Variants in DNM2 observed in about 807,000 individuals in gnomAD.
DNM2 encodes the protein dynamin 2.
A neutral mutation model predicts 99.0 loss-of-function variants in DNM2; 15 were observed. The ratio of observed to expected loss-of-function variants is 0.15; its 90% CI spans 0.10 to 0.23. The LOEUF (loss-of-function observed/expected upper bound fraction) is 0.23. DNM2 is among the 10% of genes least tolerant of loss of function. The pLI, the probability that DNM2 is intolerant of heterozygous loss-of-function variation, is 1.00. For synonymous variants in DNM2, 525 were observed against 481.2 expected, an observed-to-expected ratio of 1.09 and a Z score of -1.19; for missense variants, 742 against 1,189.4, an observed-to-expected ratio of 0.62 and a Z score of 5.53.
chr19:10,760,810 A>G (rs2070597890), intron 2 of DNM2, among the ~76,000 whole-genome samples: 1 of 74,450 alleles, frequency 1.3e-5, no homozygotes, highest in South Asian at 4.4e-4. Flanking sequence ...AGGTGCACAC[A>G]CCACCACACC....
intron 19 of DNM2, among the ~76,000 whole-genome samples, chr19:10,829,470 G>A (rs2073257761): frequency 6.6e-6 from 1 of 152,134 alleles, no homozygotes; most frequent in Admixed American, 6.5e-5. Flanking sequence ...ACAGCTCTAG[G>A]GCAGGACCCT....
At chr19:10,809,775 C>T (rs1268859410) in intron 14 of DNM2, 1 of 152,388 alleles carries the variant, frequency 6.6e-6, no homozygotes, top group African/African-American at 2.4e-5. Context: ...TCTGGCGGGG[C>T]TCTTCTGGCA....
chr19:10,736,356 C>T (rs1051391367), intron 1 of DNM2, among the ~76,000 whole-genome samples: 3 of 152,172 alleles, frequency 2.0e-5, no homozygotes, highest in African/African-American at 7.2e-5. Context: ...TGGTGATGCT[C>T]CTGCCTCAGC....
At chr19:10,744,614 G>A (rs112765170) in intron 1 of DNM2, among the ~76,000 whole-genome samples, 51 of 152,270 alleles carry the variant, frequency 3.3e-4, no homozygotes, top group African/African-American at 1.2e-3. Context: ...GGCCCTCAGG[G>A]TGGTACAGAG....
At chr19:10,804,624 G>A (rs919424437) in intron 12 of DNM2, among the ~76,000 whole-genome samples, 3 of 152,120 alleles carry the variant, frequency 2.0e-5, no homozygotes, top group Admixed American at 2.0e-4. Context: ...GGAAGTCAAG[G>A]CTGTGCTGAG....
Position 10,830,240 on chromosome 19 carries a change from C to T in DNM2, c.2405C>T (p.Ala802Val). The stretch of plus-strand genomic sequence containing the variant: ...ATTCCTGTTCCCGTGGGGGCAGCAG[C>T]CTCCTTCTCGGCGCCCCCAATCCCA... The part of the protein sequence containing the change: ...PLIPVPVGAA[A>V]SFSAPPIPSR... The change falls in exon 20 of 21, where the codon GCC (alanine) becomes GTC (valine). Residue 802 changes from alanine to valine, a missense_variant. Ala to Val is a moderately conservative substitution (Grantham distance 64). Transcript: ENST00000389253. The surrounding 1 kb of genome is among the most constrained non-coding windows in gnomAD (Gnocchi z 4.8). 1 of 1,614,002 alleles carries T rather than the reference C, an allele frequency of 6.2e-7. No individual in the cohort carries two copies. The highest frequency in any genetic ancestry group is 8.5e-7 in the Non-Finnish European group (1 of 1,179,930).
intron 1 of DNM2, among the ~76,000 whole-genome samples, chr19:10,758,649 C>A (rs937965665): frequency 4.0e-5 from 6 of 150,086 alleles, no homozygotes; most frequent in African/African-American, 1.5e-4. Context: ...TGGGTTCAAG[C>A]GATTCTCCTG....
At chr19:10,734,143 C>A (rs2069436942) in intron 1 of DNM2, among the ~76,000 whole-genome samples, 1 of 150,524 alleles carries the variant, frequency 6.6e-6, no homozygotes, top group South Asian at 2.1e-4. Context: ...TCACTTGAGG[C>A]CAGGAGTTTG....
At chr19:10,760,826 G>GGTTTTTTTTTTTTTTTT (rs1568284526) in intron 2 of DNM2, among the ~76,000 whole-genome samples, 1 of 4,958 alleles carries the variant, frequency 2.0e-4, no homozygotes, top group Non-Finnish European at 7.9e-4. Flanking sequence ...ACACCCAGCT[G>GGTTTTTTTTTTTTTTTT]ATTTTTTTTT....
At chr19:10,740,431 A>G (rs1471211087) in intron 1 of DNM2, among the ~76,000 whole-genome samples, 2 of 150,972 alleles carry the variant, frequency 1.3e-5, no homozygotes, top group Non-Finnish European at 2.9e-5. Flanking sequence ...GCTGGAGTGC[A>G]GTGGCACGAT....
intron 5 of DNM2, among the ~76,000 whole-genome samples, chr19:10,782,381 CAG>C (rs2071409362): frequency 7.3e-5 from 1 of 13,756 alleles, no homozygotes; most frequent in African/African-American, 2.0e-4. Flanking sequence ...TCTTTTTATT[CAG>C]AGTCTTGATC....
chr19:10,772,433 T>G lies in DNM2; in HGVS notation c.236-46T>G, dbSNP rs2071013998. 1.2e-6 allele frequency: 2 copies of G among 1,611,628 alleles called. No individual in the cohort carries two copies. Among genetic ancestry groups the G allele is most frequent in the Non-Finnish European group, 1.7e-6 (2 of 1,179,696 alleles). ...TTCTCCCCGCAGTCCATGCGCACCCTGCCCACAGCTCTTTCTCATTTTCAG... is the reference window on the plus strand; with the variant it reads ...TTCTCCCCGCAGTCCATGCGCACCCGGCCCACAGCTCTTTCTCATTTTCAG... On this transcript the variant is annotated intron_variant, in intron 2 of 20. Transcript: ENST00000389253. This position sits in a 1 kb window ranked among gnomAD's most constrained non-coding sequence, Gnocchi z 4.9.
rs1416186985 is a variant in DNM2 at position 10,816,285 on chromosome 19, G to A, written c.1672-3695G>A. ...AAAGGATCATCCCGCTCCACATGAG[G>A]CCAGACGCTCATCTCTGGAATGTTC... On this transcript the variant is annotated intron_variant, in intron 15 of 20. Coordinates refer to ENST00000389253, the MANE Select transcript of DNM2 (RefSeq NM_001005361.3). This position sits in a 1 kb window ranked among gnomAD's most constrained non-coding sequence, Gnocchi z 4.6. Among the ~76,000 whole-genome samples, 1 of 152,124 alleles carries A rather than the reference G, an allele frequency of 6.6e-6. No individual in the cohort carries two copies. Among genetic ancestry groups the A allele is most frequent in the Non-Finnish European group, 1.5e-5 (1 of 68,028 alleles).
At chr19:10,731,287 G>A (rs1349913237) in intron 1 of DNM2, among the ~76,000 whole-genome samples, 1 of 151,990 alleles carries the variant, frequency 6.6e-6, no homozygotes, top group Non-Finnish European at 1.5e-5. Context: ...CCTACCAGCT[G>A]GCCGCGCAGC....
intron 1 of DNM2, among the ~76,000 whole-genome samples, chr19:10,721,212 A>C (rs2068927846): frequency 6.6e-6 from 1 of 152,092 alleles, no homozygotes; most frequent in African/African-American, 2.4e-5. Context: ...GCTGGAGTGC[A>C]GTGGTGTTAT....
At chr19:10,767,837 C>T (rs2070848753) in intron 2 of DNM2, among the ~76,000 whole-genome samples, 1 of 152,120 alleles carries the variant, frequency 6.6e-6, no homozygotes. Flanking sequence ...ACCGGGGAGG[C>T]AGAGGTTGCA....
At chr19:10,809,820 A>G (rs1020590597) in intron 14 of DNM2, 3 of 152,278 alleles carry the variant, frequency 2.0e-5, no homozygotes, top group African/African-American at 7.2e-5. Flanking sequence ...AGCCGATCCT[A>G]TGCCAGGGCC....
In DNM2 at chr19:10,797,407, C is replaced by G. The variant is rs765217468; in HGVS notation, c.1224C>G (p.Ala408=). Residue 408 remains alanine (A), a synonymous_variant, in exon 10 of 21, where the codon GCC becomes GCG. Coordinates refer to ENST00000389253, the MANE Select transcript of DNM2 (RefSeq NM_001005361.3). ...VRTGLFTPDM[A]FEAIVKKQIV... is the part of the protein sequence containing the mutation. ...CGGGGCTCTTCACCCCCGACATGGC[C>G]TTTGAAGCCATTGTGAAAAAACAGA... 18 of 1,613,416 alleles carry G rather than the reference C, an allele frequency of 1.1e-5. No individual in the cohort carries two copies. The highest frequency in any genetic ancestry group is 8.5e-6 in the Non-Finnish European group (10 of 1,180,034).
intron 1 of DNM2, among the ~76,000 whole-genome samples, chr19:10,749,407 C>A (rs2070114193): frequency 6.6e-6 from 1 of 152,236 alleles, no homozygotes; most frequent in Non-Finnish European, 1.5e-5. Flanking sequence ...CCTGCCTGTC[C>A]CCTACCGCCT....
Sources: allele counts gnomAD v4.1 joint callset (sites outside exome capture counted in the v4.1 genomes callset), GRCh38; gene constraint gnomAD v4.1.1; non-coding constraint Gnocchi (gnomAD v3.1); transcripts MANE v1.5; gene names NCBI Gene and HGNC (gene_info 2026-07-23, HGNC 2026-07-21).